CDH8: variants seen among roughly 807,000 people sequenced by gnomAD.
The protein encoded by CDH8 is cadherin-8.
In CDH8, 17 loss-of-function variants were observed where a neutral mutation model predicts 68.1. That is an observed-to-expected ratio of 0.25 (90% CI 0.17 to 0.37). The LOEUF (loss-of-function observed/expected upper bound fraction) is 0.37, where lower values mean the gene tolerates loss of function less well. Among genes scored for constraint, CDH8 ranks in the 10% least tolerant of loss-of-function variants. CDH8 has a pLI of 1.00. For missense variants in CDH8, 763 were observed against 999.3 expected, an observed-to-expected ratio of 0.76 and a Z score of 3.19; for synonymous variants, 372 against 365.1, an observed-to-expected ratio of 1.02 and a Z score of -0.21.
At chr16:61,820,587 C>G (rs552108418) in intron 6 of CDH8, among the ~76,000 whole-genome samples, 2 of 151,836 alleles carry the variant, frequency 1.3e-5, no homozygotes, top group Non-Finnish European at 2.9e-5. Context: ...TTTTTCTCCC[C>G]CTTTGGTTGA....
intron 2 of CDH8, among the ~76,000 whole-genome samples, chr16:61,910,466 A>C (rs1408058676): frequency 1.3e-5 from 2 of 152,122 alleles, no homozygotes; most frequent in African/African-American, 4.8e-5. Context: ...TAAGACAAGC[A>C]AAGATTTAAA....
chr16:61,744,333 TTTATCA>T (rs1197048415), intron 8 of CDH8, among the ~76,000 whole-genome samples: 1 of 152,136 alleles, frequency 6.6e-6, no homozygotes, highest in Non-Finnish European at 1.5e-5. Flanking sequence ...AATTTAGTTA[TTTATCA>T]TTATAACATT....
At position 61,653,093 on chromosome 16, in the gene CDH8, C is replaced by A; in HGVS notation, c.*515G>T. 8.0e-7 allele frequency: 1 copy of A among 1,257,382 alleles called. No individual in the cohort carries two copies. The highest frequency in any genetic ancestry group is 2.0e-4 in the Middle Eastern group (1 of 4,900). The allele number at this position is 1,257,382 out of a possible 1,614,324, so 77.9% of individuals were successfully genotyped here. Reference sequence around the variant, plus strand: ...TCACCGTACTGTATAATCTAGGAGGCCTCTCAAAACTCCAAAAAGTTATAA... The same window carrying A: ...TCACCGTACTGTATAATCTAGGAGGACTCTCAAAACTCCAAAAAGTTATAA... On this transcript the variant is annotated 3_prime_UTR_variant, in exon 12 of 12. Coordinates refer to ENST00000577390, the MANE Select transcript of CDH8 (RefSeq NM_001796.5).
chr16:61,797,032 CA>C (rs1230646785), intron 7 of CDH8, among the ~76,000 whole-genome samples: 1 of 152,068 alleles, frequency 6.6e-6, no homozygotes, highest in Non-Finnish European at 1.5e-5. Context: ...CCTCAATTAA[CA>C]CAGCCCAGCT....
At chr16:61,829,569 T>C (rs1217936554) in intron 4 of CDH8, among the ~76,000 whole-genome samples, 2 of 151,852 alleles carry the variant, frequency 1.3e-5, no homozygotes, top group Non-Finnish European at 2.9e-5. Context: ...ACTGTTTTCT[T>C]ACCTGTAAAA....
intron 2 of CDH8, among the ~76,000 whole-genome samples, chr16:61,982,850 TAG>T (rs1329347938): frequency 8.5e-5 from 13 of 152,318 alleles, no homozygotes; most frequent in African/African-American, 2.9e-4. Flanking sequence ...GCATATCCTT[TAG>T]CTTATGAGTG....
intron 3 of CDH8, among the ~76,000 whole-genome samples, chr16:61,858,217 CACTT>C (rs1238741947): frequency 1.3e-5 from 2 of 152,090 alleles, no homozygotes; most frequent in East Asian, 1.9e-4. Flanking sequence ...ATGGATCTCT[CACTT>C]AGTCCAGCAC....
intron 10 of CDH8, among the ~76,000 whole-genome samples, chr16:61,699,869 C>A (rs1964390393): frequency 1.3e-5 from 2 of 152,224 alleles, no homozygotes; most frequent in Non-Finnish European, 2.9e-5. Context: ...AGCCACCGTG[C>A]CCGGCCCACC....
intron 2 of CDH8, among the ~76,000 whole-genome samples, chr16:61,965,947 G>A (rs1965244622): frequency 6.6e-6 from 1 of 152,028 alleles, no homozygotes; most frequent in Non-Finnish European, 1.5e-5. Context: ...TAATTGTTCT[G>A]GTAACACCTT....
At position 61,679,873 on chromosome 16, in the gene CDH8, T is replaced by C. The variant is rs566343476; in HGVS notation, c.1655-24152A>G. Among the ~76,000 whole-genome samples, 12 of 152,078 alleles carry C rather than the reference T, an allele frequency of 7.9e-5. No homozygotes were observed. In the South Asian group the frequency reaches 2.3e-3, roughly 29 times the overall value. On this transcript the variant is annotated intron_variant, in intron 10 of 11. Transcript: ENST00000577390. Reference sequence around the variant, plus strand: ...AGATAAAAGGATCACTGCTTCATTGTAGTCTATGCCATGGTTAAACAACCG... The same window carrying C: ...AGATAAAAGGATCACTGCTTCATTGCAGTCTATGCCATGGTTAAACAACCG...
intron 2 of CDH8, among the ~76,000 whole-genome samples, chr16:61,966,841 T>G (rs1447432862): frequency 6.6e-6 from 1 of 152,160 alleles, no homozygotes; most frequent in Non-Finnish European, 1.5e-5. Context: ...ACTAGAACCT[T>G]TACATGCATT....
At chr16:62,025,572 A>G (rs1902180252) in intron 1 of CDH8, among the ~76,000 whole-genome samples, 1 of 152,182 alleles carries the variant, frequency 6.6e-6, no homozygotes, top group Admixed American at 6.5e-5. Context: ...TTTCATCCAC[A>G]TAGGTCATTC....
chr16:61,821,874 A>G (rs1354106690), intron 5 of CDH8, among the ~76,000 whole-genome samples: 33 of 152,050 alleles, frequency 2.2e-4, no homozygotes, highest in Admixed American at 1.4e-3. Flanking sequence ...TGGTGTCCCA[A>G]TCATAACCCC....
At chr16:61,870,074 T>G (rs1364875937) in intron 3 of CDH8, among the ~76,000 whole-genome samples, 1 of 152,198 alleles carries the variant, frequency 6.6e-6, no homozygotes, top group African/African-American at 2.4e-5. Context: ...TAGCCAACAT[T>G]TTGTGACAAT....
intron 8 of CDH8, among the ~76,000 whole-genome samples, chr16:61,745,777 A>C (rs375596617): frequency 2.6e-4 from 39 of 152,136 alleles, no homozygotes; most frequent in African/African-American, 9.4e-4. Context: ...CATGTTAACT[A>C]TATATATTCT....
At chr16:61,775,280 T>G (rs1803475107) in intron 8 of CDH8, among the ~76,000 whole-genome samples, 1 of 152,070 alleles carries the variant, frequency 6.6e-6, no homozygotes, top group Non-Finnish European at 1.5e-5. Flanking sequence ...GTCCAATCCT[T>G]TCGCCAGATA....
intron 8 of CDH8, among the ~76,000 whole-genome samples, chr16:61,733,600 A>C (rs1959597190): frequency 6.6e-6 from 1 of 152,048 alleles, no homozygotes; most frequent in South Asian, 2.1e-4. Flanking sequence ...AAAGTCATAT[A>C]ATCATAAAAT....
chr16:61,649,587 G>A lies in CDH8; in HGVS notation c.*4021C>T, dbSNP rs1237417582. On this transcript the variant is annotated 3_prime_UTR_variant, in exon 12 of 12. Coordinates refer to ENST00000577390, the MANE Select transcript of CDH8 (RefSeq NM_001796.5). Reference sequence around the variant, plus strand: ...GATTTCAGTCATGCTCAGCCTTTCCGACAGTGCCAGTGATGGGATTTTTTT... The same window carrying A: ...GATTTCAGTCATGCTCAGCCTTTCCAACAGTGCCAGTGATGGGATTTTTTT... 4.0e-5 allele frequency: 6 copies of A among 151,748 alleles called. No homozygotes were observed. Among genetic ancestry groups the A allele is most frequent in the African/African-American group, 9.7e-5 (4 of 41,312 alleles). The allele number at this position is 151,748 out of a possible 1,614,324, so 9.4% of individuals were successfully genotyped here. A position where few individuals can be genotyped will look rare whatever the true frequency, so the allele number is the denominator to read the frequency against.
chr16:61,896,125 G>T (rs1339577403), intron 3 of CDH8, among the ~76,000 whole-genome samples: 2 of 152,158 alleles, frequency 1.3e-5, no homozygotes, highest in Non-Finnish European at 2.9e-5. Flanking sequence ...ACTAAAGGTA[G>T]GGACATTTGC....
Sources: gnomAD v4.1 joint callset for allele counts (sites outside exome capture counted in the v4.1 genomes callset) on GRCh38, gnomAD v4.1.1 for gene constraint, MANE v1.5 for transcripts, NCBI Gene and HGNC (gene_info 2026-07-23, HGNC 2026-07-21) for gene names.